Variants in DIP2C observed in about 807,000 individuals in gnomAD.
DIP2C encodes the protein DIP2 acetate--CoA ligase C (putative), also known as disco-interacting protein 2 homolog C.
In DIP2C, 33 loss-of-function variants were observed where a neutral mutation model predicts 192.4. The ratio of observed to expected loss-of-function variants is 0.17; its 90% confidence interval spans 0.13 to 0.23. The LOEUF (loss-of-function observed/expected upper bound fraction) is 0.23. DIP2C is among the 10% of genes least tolerant of loss of function. DIP2C has a pLI of 1.00. For missense variants in DIP2C, 1,537 were observed against 2,110.1 expected, an observed-to-expected ratio of 0.73 and a Z score of 5.32; for synonymous variants, 979 against 864.1, an observed-to-expected ratio of 1.13 and a Z score of -2.33.
In DIP2C at chr10:327,113, T is replaced by C; in HGVS notation, c.3817A>G (p.Ile1273Val). 6.2e-7 allele frequency: 1 copy of C among 1,614,120 alleles called. No individual in the cohort carries two copies. The highest frequency in any genetic ancestry group is 8.5e-7 in the Non-Finnish European group (1 of 1,180,024). The change falls in exon 31 of 37, where the codon ATC becomes GTC. Residue 1273 changes from isoleucine (I) to valine (V), a missense_variant. Transcript: ENST00000280886. ...TTTGAGAACGACTGTGTGAGTGCGA[T>C]CCGAGGCCTCTCTTCCGCCACAACC... Reference protein sequence around the residue: ...CVVVAEERPRIALTQSFSKLF... With the variant: ...CVVVAEERPRVALTQSFSKLF...
chr10:291,193 C>T (rs1486357605), intron 32 of DIP2C, among the ~76,000 whole-genome samples: 1 of 152,234 alleles, frequency 6.6e-6, no homozygotes, highest in Non-Finnish European at 1.5e-5. Context: ...CCTTCACTCT[C>T]TCCAGCCTCT....
chr10:423,831 C>T (rs1338099354), intron 4 of DIP2C, among the ~76,000 whole-genome samples: 2 of 152,206 alleles, frequency 1.3e-5, no homozygotes, highest in Non-Finnish European at 1.5e-5. Flanking sequence ...CTCCACCTCC[C>T]CGTTTTCCTC....
At chr10:286,214 G>T in intron 34 of DIP2C, 59 bp downstream of exon 34, 1 of 1,543,704 alleles carries the variant, frequency 6.5e-7, no homozygotes, top group Non-Finnish European at 8.9e-7. Flanking sequence ...ATGGTGTCAA[G>T]GCAAGCCAAG....
chr10:297,274 A>ACC (rs1955806830), intron 32 of DIP2C, among the ~76,000 whole-genome samples: 1 of 114,684 alleles, frequency 8.7e-6, no homozygotes, highest in African/African-American at 2.9e-5. Context: ...ACACACACAC[A>ACC]CCAAACTACG....
At chr10:369,889 C>T in intron 17 of DIP2C, 2 of 1,371,222 alleles carry the variant, frequency 1.5e-6, no homozygotes, top group Non-Finnish European at 1.9e-6. Context: ...AACGCAGCTC[C>T]TCTCCTGCCC....
chr10:603,810 A>C (rs903748600), intron 1 of DIP2C, among the ~76,000 whole-genome samples: 12 of 152,208 alleles, frequency 7.9e-5, no homozygotes, highest in African/African-American at 2.7e-4. Flanking sequence ...CCAGGGCTGA[A>C]GTCAAGGGGT....
At chr10:498,967 G>A (rs1019883017) in intron 1 of DIP2C, among the ~76,000 whole-genome samples, 1 of 152,172 alleles carries the variant, frequency 6.6e-6, no homozygotes, top group East Asian at 1.9e-4. Flanking sequence ...GCTCTGCACC[G>A]CACAGCACTG....
intron 1 of DIP2C, among the ~76,000 whole-genome samples, chr10:548,911 C>CAAAAAAAAAAAAAAAAA (rs61437915): frequency 3.0e-4 from 8 of 26,456 alleles, no homozygotes; most frequent in African/African-American, 1.1e-3. Context: ...TAGCAGCTCA[C>CAAAAAAAAAAAAAAAAA]AAAAAAAAAA....
intron 1 of DIP2C, among the ~76,000 whole-genome samples, chr10:672,244 C>A (rs1329991804): frequency 6.6e-6 from 1 of 151,968 alleles, no homozygotes; most frequent in Non-Finnish European, 1.5e-5. Flanking sequence ...CACAGATGCA[C>A]GGATGGAGGA....
chr10:500,516 CTT>C (rs1845149763), intron 1 of DIP2C, among the ~76,000 whole-genome samples: 1 of 152,256 alleles, frequency 6.6e-6, no homozygotes, highest in African/African-American at 2.4e-5. Flanking sequence ...TTATCCTGAA[CTT>C]TATTTCCTCA....
chr10:503,829 A>G (rs1845411638), intron 1 of DIP2C, among the ~76,000 whole-genome samples: 1 of 152,184 alleles, frequency 6.6e-6, no homozygotes, highest in South Asian at 2.1e-4. Context: ...ACGGTTCTAT[A>G]TACACCTGAA....
intron 1 of DIP2C, among the ~76,000 whole-genome samples, chr10:680,833 C>G (rs1831102463): frequency 6.6e-6 from 1 of 152,254 alleles, no homozygotes; most frequent in Admixed American, 6.5e-5. Context: ...ATGGCACCAA[C>G]TCCTGAGACA....
In DIP2C at chr10:364,503, G is replaced by A; in HGVS notation, c.2348C>T (p.Pro783Leu). ...IRTGLLGFVG[P>L]GGLVFVVGKM... ...GCCCACCACGAAGACGAGGCCTCCG[G>A]GACCCACGAACCCCAGCAAGCCTGT... Residue 783 changes from proline to leucine, a missense_variant, in exon 20 of 37, where the codon CCC (proline) becomes CTC (leucine). Around this residue, in one of 4 missense-constraint regions of DIP2C, gnomAD observed 677 missense variants for 989.9 expected, o/e 0.68. Coordinates refer to ENST00000280886, the MANE Select transcript of DIP2C (RefSeq NM_014974.3). 1 of 1,614,144 alleles carries A rather than the reference G, an allele frequency of 6.2e-7. No individual in the cohort carries two copies. The highest frequency in any genetic ancestry group is 8.5e-7 in the Non-Finnish European group (1 of 1,180,040).
chr10:647,165 A>G (rs867142246), intron 1 of DIP2C, among the ~76,000 whole-genome samples: 58 of 130,140 alleles, frequency 4.5e-4, no homozygotes, highest in Admixed American at 4.7e-4. Flanking sequence ...CTGAGTCCAC[A>G]TCCACATTGG....
intron 1 of DIP2C, among the ~76,000 whole-genome samples, chr10:488,711 C>T (rs895727822): frequency 1.3e-5 from 2 of 152,206 alleles, no homozygotes; most frequent in Non-Finnish European, 2.9e-5. Context: ...GCATGGATGA[C>T]GCCTCTGGGT....
At chr10:452,919 G>A (rs963346386) in intron 3 of DIP2C, among the ~76,000 whole-genome samples, 3 of 152,194 alleles carry the variant, frequency 2.0e-5, no homozygotes, top group Non-Finnish European at 2.9e-5. Context: ...TCACCGGGAG[G>A]CCTGGCCAGT....
intron 22 of DIP2C, among the ~76,000 whole-genome samples, chr10:358,258 G>A (rs569457717): frequency 9.9e-5 from 15 of 151,778 alleles, no homozygotes; most frequent in African/African-American, 3.6e-4. Context: ...AAAATAAAAC[G>A]GAAGACACAC....
At chr10:304,598 T>C (rs182378473) in intron 32 of DIP2C, among the ~76,000 whole-genome samples, 1 of 152,232 alleles carries the variant, frequency 6.6e-6, no homozygotes, top group Admixed American at 6.5e-5. Flanking sequence ...CATGTGTGTA[T>C]ACTTGTAACA....
intron 4 of DIP2C, among the ~76,000 whole-genome samples, chr10:437,299 C>A (rs1254919358): frequency 6.7e-6 from 1 of 150,164 alleles, no homozygotes; most frequent in African/African-American, 2.5e-5. Flanking sequence ...ATATGCTCCA[C>A]CCACACCTGA....
Sources: allele counts gnomAD v4.1 joint callset (sites outside exome capture counted in the v4.1 genomes callset), GRCh38; gene constraint gnomAD v4.1.1; regional missense constraint gnomAD v4.1.1; transcripts MANE v1.5; gene names NCBI Gene and HGNC (gene_info 2026-07-23, HGNC 2026-07-21).